DPP10: variants seen among roughly 807,000 people sequenced by gnomAD.
The protein encoded by DPP10 is inactive dipeptidyl peptidase 10.
In DPP10, 33 loss-of-function variants were observed where a neutral mutation model predicts 120.9. The ratio of observed to expected loss-of-function variants is 0.27; its 90% CI spans 0.21 to 0.37. The LOEUF is 0.37. Among genes scored for constraint, DPP10 ranks in the 10% least tolerant of loss-of-function variants. DPP10 has a pLI of 1.00. For missense variants in DPP10, 816 were observed against 942.8 expected (o/e 0.87, Z 1.76); for synonymous variants, 337 against 326.1 (o/e 1.03, Z -0.36).
intron 1 of DPP10, among the ~76,000 whole-genome samples, chr2:115,131,562 C>CA (rs1188884965): frequency 6.6e-6 from 1 of 151,472 alleles, no homozygotes; most frequent in Non-Finnish European, 1.5e-5. Flanking sequence ...AAAAATATAG[C>CA]AAAAAAAGAA....
At chr2:114,677,959 C>T (rs1225143690) in intron 1 of DPP10, among the ~76,000 whole-genome samples, 1 of 152,070 alleles carries the variant, frequency 6.6e-6, no homozygotes, top group Non-Finnish European at 1.5e-5. Context: ...AAATATTCCA[C>T]AAAGTGAAAG....
intron 1 of DPP10, among the ~76,000 whole-genome samples, chr2:114,934,988 A>G (rs569396393): frequency 6.6e-6 from 1 of 152,328 alleles, no homozygotes; most frequent in South Asian, 2.1e-4. Context: ...AAAGATATTT[A>G]CTGAGCCTTT....
intron 1 of DPP10, among the ~76,000 whole-genome samples, chr2:114,881,391 C>T (rs773540503): frequency 6.6e-6 from 1 of 152,032 alleles, no homozygotes; most frequent in Non-Finnish European, 1.5e-5. Context: ...CACTCTGAGC[C>T]ATTTGAACAC....
chr2:114,997,568 A>G (rs1469757194), intron 1 of DPP10, among the ~76,000 whole-genome samples: 2 of 152,176 alleles, frequency 1.3e-5, no homozygotes, highest in Admixed American at 1.3e-4. Context: ...AAAAAGTGTA[A>G]TATTATAATA....
At chr2:114,507,462 A>C (rs1440946331) in intron 1 of DPP10, among the ~76,000 whole-genome samples, 3 of 152,250 alleles carry the variant, frequency 2.0e-5, no homozygotes, top group African/African-American at 7.2e-5. Context: ...TATAGTTCAC[A>C]TAATAGGAGA....
At chr2:114,886,508 C>A (rs1033680691) in intron 1 of DPP10, among the ~76,000 whole-genome samples, 5 of 152,130 alleles carry the variant, frequency 3.3e-5, no homozygotes, top group Admixed American at 1.3e-4. Flanking sequence ...ATCTATGCAG[C>A]AGCTAATATA....
At chr2:115,661,025 A>G (rs979932900) in intron 5 of DPP10, among the ~76,000 whole-genome samples, 17 of 151,944 alleles carry the variant, frequency 1.1e-4, no homozygotes, top group African/African-American at 4.1e-4. Context: ...ATCTCGGCTC[A>G]CTGCAAACTC....
At chr2:114,555,817 T>C (rs989035805) in intron 1 of DPP10, among the ~76,000 whole-genome samples, 4 of 152,204 alleles carry the variant, frequency 2.6e-5, no homozygotes, top group African/African-American at 7.2e-5. Flanking sequence ...AGTGTAGTTG[T>C]AACCCAAATA....
At chr2:114,619,681 G>A (rs552467201) in intron 1 of DPP10, among the ~76,000 whole-genome samples, 11 of 151,890 alleles carry the variant, frequency 7.2e-5, no homozygotes, top group Non-Finnish European at 1.3e-4. Context: ...TACCACATCA[G>A]GTCTATGATC....
intron 2 of DPP10, among the ~76,000 whole-genome samples, chr2:115,319,814 C>T (rs1045081469): frequency 6.6e-5 from 10 of 152,086 alleles, no homozygotes; most frequent in Non-Finnish European, 1.5e-4. Context: ...AAGATGATAC[C>T]TTTTTGCTGC....
intron 3 of DPP10, among the ~76,000 whole-genome samples, chr2:115,361,127 C>A (rs1175110730): frequency 6.6e-6 from 1 of 152,040 alleles, no homozygotes; most frequent in Non-Finnish European, 1.5e-5. Context: ...CCACACCCTT[C>A]CTAGATTGGT....
chr2:115,467,764 A>T (rs843439), intron 3 of DPP10, among the ~76,000 whole-genome samples: 147,532 of 152,262 alleles, frequency 0.97, 71,651 homozygotes, highest in East Asian at 1. Context: ...ACTTTTGACT[A>T]CAATGGAATA....
At chr2:115,384,033 A>C (rs1243747624) in intron 3 of DPP10, among the ~76,000 whole-genome samples, 2 of 152,240 alleles carry the variant, frequency 1.3e-5, no homozygotes, top group Admixed American at 6.5e-5. Flanking sequence ...GTTGGCATTC[A>C]GAAAACAATA....
At chr2:115,115,783 A>G (rs898816432) in intron 1 of DPP10, among the ~76,000 whole-genome samples, 1 of 152,196 alleles carries the variant, frequency 6.6e-6, no homozygotes. Flanking sequence ...TAGTAATATA[A>G]AAAGAAAATG....
intron 1 of DPP10, among the ~76,000 whole-genome samples, chr2:115,020,022 A>G (rs906154179): frequency 3.9e-5 from 6 of 152,248 alleles, no homozygotes; most frequent in Non-Finnish European, 5.9e-5. Flanking sequence ...GGAGCATGAA[A>G]TCTTAAAACA....
intron 3 of DPP10, among the ~76,000 whole-genome samples, chr2:115,432,760 A>C (rs184846413): frequency 2.0e-5 from 3 of 151,452 alleles, no homozygotes; most frequent in African/African-American, 7.3e-5. Flanking sequence ...TGAAACAATG[A>C]GATATTATTG....
chr2:115,384,696 A>AAAGAAG (rs369710000), intron 3 of DPP10, among the ~76,000 whole-genome samples: 1 of 138,626 alleles, frequency 7.2e-6, no homozygotes, highest in African/African-American at 3.1e-5. Flanking sequence ...AGAAGAAGAA[A>AAAGAAG]AAGAAAGAAG....
intron 1 of DPP10, among the ~76,000 whole-genome samples, chr2:114,598,036 T>C (rs1485117864): frequency 2.6e-5 from 4 of 151,866 alleles, no homozygotes; most frequent in Non-Finnish European, 5.9e-5. Flanking sequence ...CTTCCAAAGG[T>C]AAATGAAACT....
At chr2:115,119,945 T>C (rs915474510) in intron 1 of DPP10, among the ~76,000 whole-genome samples, 1 of 152,222 alleles carries the variant, frequency 6.6e-6, no homozygotes, top group African/African-American at 2.4e-5. Context: ...CTTGTTCTCA[T>C]AAACTGGAAG....
Sources: gnomAD v4.1 joint callset for allele counts (sites outside exome capture counted in the v4.1 genomes callset) on GRCh38, gnomAD v4.1.1 for gene constraint, MANE v1.5 for transcripts, NCBI Gene and HGNC (gene_info 2026-07-23, HGNC 2026-07-21) for gene names.